Variants in PLPP1 observed in about 807,000 individuals in gnomAD.
PLPP1 encodes the protein phospholipid phosphatase 1.
A neutral mutation model predicts 31.2 loss-of-function variants in PLPP1; 24 were observed. The ratio of observed to expected loss-of-function variants is 0.77; its 90% confidence interval spans 0.56 to 1.08. The LOEUF (loss-of-function observed/expected upper bound fraction) is 1.08, where lower values mean the gene tolerates loss of function less well. Among genes scored for constraint, PLPP1 ranks in the 50% least tolerant of loss-of-function variants. PLPP1 has a pLI of 0.00. For missense variants in PLPP1, 319 were observed against 342.7 expected, an observed-to-expected ratio of 0.93 and a Z score of 0.55; for synonymous variants, 146 against 126.3, an observed-to-expected ratio of 1.16 and a Z score of -1.05.
rs184652225 is a variant in PLPP1, at chr5:55,424,971, A to G, written c.*235T>C. 1.7e-4 allele frequency: 111 copies of G among 646,374 alleles called. No individual in the cohort carries two copies. In the African/African-American group the frequency reaches 1.9e-3, roughly 11 times the overall value. The allele number at this position is 646,374 out of a possible 1,614,324, so 40.0% of individuals were successfully genotyped here. On this transcript the variant is annotated 3_prime_UTR_variant, in exon 6 of 6. Transcript: ENST00000307259. ...ACATTTTTTTAATAAAAATGTATAC[A>G]GGTGGGGCACTGTTTTGGTGGAAGG...
Sources: gnomAD v4.1 joint callset for allele counts on GRCh38, gnomAD v4.1.1 for gene constraint, MANE v1.5 for transcripts, NCBI Gene and HGNC (gene_info 2026-07-23, HGNC 2026-07-21) for gene names.